The following NPNT variants were observed in gnomAD, a reference collection of about 807,000 sequenced individuals.
The protein encoded by NPNT is nephronectin.
A neutral mutation model predicts 68.6 loss-of-function variants in NPNT; 45 were observed. That is an observed-to-expected ratio of 0.66 (90% CI 0.52 to 0.84). The LOEUF (loss-of-function observed/expected upper bound fraction) is 0.84. NPNT is among the 40% of genes least tolerant of loss of function. NPNT has a pLI of 0.00. For synonymous variants in NPNT, 233 were observed against 253.3 expected (o/e 0.92, Z 0.76); for missense variants, 672 against 714.8 (o/e 0.94, Z 0.68).
At chr4:105,924,263 C>T (rs1728507927) in intron 2 of NPNT, among the ~76,000 whole-genome samples, 1 of 152,134 alleles carries the variant, frequency 6.6e-6, no homozygotes, top group East Asian at 1.9e-4. Context: ...TAATCCCCTG[C>T]CACACTTGCC....
At position 105,904,807 on chromosome 4, in the gene NPNT, G is replaced by A. The variant is rs545896577; in HGVS notation, c.172+6806G>A. ...AAGCAATTCTGCCTCACTCTCTCTC[G>A]AGTAGTTGGGATTACAGGTGTACAC... On this transcript the variant is annotated intron_variant, in intron 2 of 11. Transcript: ENST00000379987. Among the ~76,000 whole-genome samples, 5 of 151,920 alleles carry A rather than the reference G, an allele frequency of 3.3e-5. No individual in the cohort carries two copies. In the East Asian group the frequency reaches 9.7e-4, roughly 29 times the overall value.
At chr4:105,916,467 G>T (rs183483266) in intron 2 of NPNT, among the ~76,000 whole-genome samples, 135 of 150,836 alleles carry the variant, frequency 9.0e-4, no homozygotes, top group African/African-American at 3.1e-3. Context: ...AGCAATCCAC[G>T]CACCTTGGCC....
At chr4:105,951,914 G>T (rs912645064) in intron 8 of NPNT, among the ~76,000 whole-genome samples, 1 of 152,080 alleles carries the variant, frequency 6.6e-6, no homozygotes, top group African/African-American at 2.4e-5. Flanking sequence ...AATTTGGGGC[G>T]TATCATTAAA....
intron 3 of NPNT, among the ~76,000 whole-genome samples, chr4:105,933,131 CCTT>C (rs1249221821): frequency 2.0e-5 from 3 of 152,070 alleles, no homozygotes; most frequent in Non-Finnish European, 4.4e-5. Context: ...ACATTAGTGA[CCTT>C]CTTTTGGTAT....
At chr4:105,902,975 A>G (rs1726541371) in intron 2 of NPNT, among the ~76,000 whole-genome samples, 1 of 152,176 alleles carries the variant, frequency 6.6e-6, no homozygotes, top group Non-Finnish European at 1.5e-5. Flanking sequence ...TAGAAATTTT[A>G]GTACTTCTTA....
At chr4:105,945,179 C>CTG (rs10658684) in intron 8 of NPNT, among the ~76,000 whole-genome samples, 132,026 of 152,066 alleles carry the variant, frequency 0.87, 57,909 homozygotes, top group East Asian at 1. Flanking sequence ...CAGATAATAA[C>CTG]AATATATTTA....
Position 105,940,203 on chromosome 4 carries a change from T to A in NPNT, c.634T>A (p.Cys212Ser). 1 of 1,613,428 alleles carries A rather than the reference T, an allele frequency of 6.2e-7. No homozygotes were observed. Among genetic ancestry groups the A allele is most frequent in the Non-Finnish European group, 8.5e-7 (1 of 1,179,608 alleles). The change falls in exon 6 of 12, where the codon TGT (cysteine) becomes AGT (serine). Residue 212 changes from cysteine to serine, a missense_variant. Transcript: ENST00000379987. ...DLMYIGGKYQ[C>S]HDIDECSLGQ... Reference sequence around the variant, plus strand: ...CATGTATATTGGAGGCAAATATCAATGTCATGGTAATGAAACCCAACCATT... The same window carrying A: ...CATGTATATTGGAGGCAAATATCAAAGTCATGGTAATGAAACCCAACCATT...
intron 8 of NPNT, among the ~76,000 whole-genome samples, chr4:105,956,475 A>G (rs1247553162): frequency 3.9e-5 from 6 of 151,920 alleles, no homozygotes; most frequent in African/African-American, 1.4e-4. Context: ...TCTGGGAGGA[A>G]AAAAAAAGAC....
intron 10 of NPNT, among the ~76,000 whole-genome samples, chr4:105,959,750 C>T (rs1460258819): frequency 6.6e-6 from 1 of 151,336 alleles, no homozygotes; most frequent in African/African-American, 2.4e-5. Flanking sequence ...AGTTTTAGTA[C>T]TCATAAGACA....
At chr4:105,928,806 C>T (rs758086331) in intron 3 of NPNT, among the ~76,000 whole-genome samples, 25 of 151,936 alleles carry the variant, frequency 1.6e-4, no homozygotes, top group Non-Finnish European at 2.9e-4. Flanking sequence ...CTATCCCTTA[C>T]ATACTTACTT....
chr4:105,958,768 G>A (rs1006981237), intron 9 of NPNT: 1 of 527,308 alleles, frequency 1.9e-6, no homozygotes, highest in Non-Finnish European at 3.4e-6. Flanking sequence ...TACTTAAACT[G>A]TAAAAAGGAA....
At chr4:105,906,060 G>A (rs1472405624) in intron 2 of NPNT, among the ~76,000 whole-genome samples, 1 of 152,108 alleles carries the variant, frequency 6.6e-6, no homozygotes, top group African/African-American at 2.4e-5. Flanking sequence ...AGGAAATAGG[G>A]GCTACATGGA....
chr4:105,961,118 T>A (rs1258170567), intron 10 of NPNT, among the ~76,000 whole-genome samples: 2 of 152,188 alleles, frequency 1.3e-5, no homozygotes, highest in Non-Finnish European at 2.9e-5. Flanking sequence ...GTTACCTGTT[T>A]CCTAAGGCCA....
chr4:105,937,782 A>T (rs1729611735), intron 4 of NPNT, among the ~76,000 whole-genome samples: 1 of 152,232 alleles, frequency 6.6e-6, no homozygotes, highest in Non-Finnish European at 1.5e-5. Flanking sequence ...GAATTGTGGT[A>T]TTCATATGAT....
At chr4:105,925,793 A>G (rs1728634705) in intron 2 of NPNT, among the ~76,000 whole-genome samples, 1 of 152,194 alleles carries the variant, frequency 6.6e-6, no homozygotes, top group Non-Finnish European at 1.5e-5. Flanking sequence ...TGGCCTTGCA[A>G]CTGTTCTCTC....
intron 8 of NPNT, 23 bp from the exon 9 acceptor site, chr4:105,958,448 A>T (rs1471119422): frequency 2.6e-6 from 4 of 1,513,722 alleles, no homozygotes; most frequent in Non-Finnish European, 3.7e-6. Flanking sequence ...CACACACAAA[A>T]ACTCAAAACC....
At chr4:105,912,135 C>A in intron 2 of NPNT, 1 of 1,281,380 alleles carries the variant, frequency 7.8e-7, no homozygotes, top group South Asian at 1.3e-5. Flanking sequence ...CAAGTCCAGC[C>A]TCCTTACAGA....
intron 3 of NPNT, among the ~76,000 whole-genome samples, chr4:105,933,599 C>T (rs1011226248): frequency 4.6e-5 from 7 of 152,052 alleles, no homozygotes; most frequent in East Asian, 1.9e-4. Flanking sequence ...TGACATTGCC[C>T]GATTTAAGCA....
chr4:105,900,263 A>G (rs1468206029), intron 2 of NPNT, among the ~76,000 whole-genome samples: 3 of 152,200 alleles, frequency 2.0e-5, no homozygotes, highest in African/African-American at 7.2e-5. Flanking sequence ...AAAACAGCAT[A>G]GCAAAACAAA....
Sources: allele counts gnomAD v4.1 joint callset (sites outside exome capture counted in the v4.1 genomes callset), GRCh38; gene constraint gnomAD v4.1.1; transcripts MANE v1.5; gene names NCBI Gene and HGNC (gene_info 2026-07-23, HGNC 2026-07-21).